Variants in SPTB observed in about 807,000 individuals in gnomAD.
SPTB encodes spectrin beta, erythrocytic, also known as spectrin beta chain, erythrocytic.
SPTB carries 45 observed loss-of-function variants against 256.2 expected under a neutral mutation model. The observed-to-expected ratio is 0.18, with a 90% CI of 0.14 to 0.23. The LOEUF is 0.23. SPTB is among the 10% of genes least tolerant of loss of function. The pLI is 1.00. For missense variants in SPTB, 2,715 were observed against 3,040.4 expected (o/e 0.89, Z 2.52); for synonymous variants, 1,231 against 1,243.1 (o/e 0.99, Z 0.21).
intron 1 of SPTB, among the ~76,000 whole-genome samples, chr14:64,834,640 G>A (rs2083494921): frequency 6.6e-6 from 1 of 151,908 alleles, no homozygotes; most frequent in African/African-American, 2.4e-5. Context: ...TGGCCAGGCT[G>A]GTCTGGAATT....
chr14:64,791,124 A>G (rs981388327), intron 15 of SPTB, among the ~76,000 whole-genome samples: 4 of 152,088 alleles, frequency 2.6e-5, no homozygotes, highest in Non-Finnish European at 5.9e-5. Flanking sequence ...TGTGCCCTCC[A>G]TCACACATAC....
In SPTB at chr14:64,796,553, T is replaced by C. The variant is rs753423785; in HGVS notation, c.1341+4A>G. The C allele has an allele frequency of 1.2e-6, 2 of 1,614,058 alleles. No individual in the cohort carries two copies. The highest frequency in any genetic ancestry group is 1.7e-6 in the Non-Finnish European group (2 of 1,180,020). ...CCTGTCACCCAAAGCATGTCCCTCA[T>C]TACCTGGGCCACGAGGCGCTGGTTT... On this transcript the variant is annotated splice_donor_region_variant and intron_variant, in intron 11 of 35. Transcript: ENST00000644917. This position sits in a 1 kb window ranked among gnomAD's most constrained non-coding sequence, Gnocchi z 4.1.
At chr14:64,874,515 G>A (rs540915877) in intron 1 of SPTB, among the ~76,000 whole-genome samples, 5 of 152,174 alleles carry the variant, frequency 3.3e-5, no homozygotes, top group African/African-American at 9.6e-5. Flanking sequence ...CTTATGACTC[G>A]AAGTCAGTAT....
At position 64,801,390 on chromosome 14, in the gene SPTB, T is replaced by C; in HGVS notation, c.658A>G (p.Ile220Val). Residue 220 changes from isoleucine to valine, a missense_variant, in exon 7 of 36, where the codon ATC becomes GTC. Physicochemically the swap from Ile to Val is conservative, Grantham distance 29 (BLOSUM62 3). This residue lies in a region of SPTB where 416 missense variants were observed against 571.1 expected (regional missense o/e 0.73). Transcript: ENST00000644917. ...ALIHKHRPDLIDFDKLKDSNA... is the reference protein window; with the variant it reads ...ALIHKHRPDLVDFDKLKDSNA... ...GAGTCCTTCAGCTTATCAAAGTCGA[T>C]CAGGTCGGGCCTGGGGACAAAACTG... 6.2e-7 allele frequency: 1 copy of C among 1,614,012 alleles called. No homozygotes were observed. Among genetic ancestry groups the C allele is most frequent in the Non-Finnish European group, 8.5e-7 (1 of 1,179,922 alleles).
intron 1 of SPTB, among the ~76,000 whole-genome samples, chr14:64,851,429 A>G (rs1449054884): frequency 6.6e-6 from 1 of 152,170 alleles, no homozygotes; most frequent in African/African-American, 2.4e-5. Flanking sequence ...TAGCACCCAG[A>G]AAGAGTTAAT....
At chr14:64,854,274 C>CTTTTTTTT (rs1206368948) in intron 1 of SPTB, among the ~76,000 whole-genome samples, 3 of 73,284 alleles carry the variant, frequency 4.1e-5, no homozygotes, top group African/African-American at 5.4e-5. Context: ...TTTCCAAACT[C>CTTTTTTTT]TTTTTTTTTT....
At position 64,857,456 on chromosome 14, in the gene SPTB, T is replaced by G. The variant is rs544438475; in HGVS notation, c.-52+22336A>C. On this transcript the variant is annotated intron_variant, in intron 1 of 35. Transcript: ENST00000644917. ...AATTAGCCATGCATGGTGGTATGCA[T>G]GTATAGTCCCAGCTACTTGGCTGAA... 2.0e-5 allele frequency among the ~76,000 whole-genome samples: 3 copies of G among 151,714 alleles called. No homozygotes were observed. In the East Asian group the frequency reaches 5.8e-4, roughly 29 times the overall value.
At chr14:64,835,186 G>A (rs940152526) in intron 1 of SPTB, among the ~76,000 whole-genome samples, 2 of 152,174 alleles carry the variant, frequency 1.3e-5, no homozygotes, top group Admixed American at 6.5e-5. Context: ...ATTTGGGAAC[G>A]TGCCTGCAAG....
Position 64,806,485 on chromosome 14 carries a change from G to T in SPTB, c.149-1395C>A, listed in dbSNP as rs2082986837. 6.6e-6 allele frequency among the ~76,000 whole-genome samples: 1 copy of T among 152,224 alleles called. No homozygotes were observed. Among genetic ancestry groups the T allele is most frequent in the Non-Finnish European group, 1.5e-5 (1 of 68,042 alleles). ...GCTCGACTGAGCCTCAACCGTGAAA[G>T]GGCTGGCTTTTTAAATTATTAAATA... On this transcript the variant is annotated intron_variant, in intron 2 of 35. Transcript: ENST00000644917. This position sits in a 1 kb window ranked among gnomAD's most constrained non-coding sequence, Gnocchi z 4.1.
rs2082883369 is a variant in SPTB at position 64,801,408 on chromosome 14, CA to C, written c.648-9del. 1 of 1,606,200 alleles carries C rather than the reference CA, an allele frequency of 6.2e-7. No individual in the cohort carries two copies. Among genetic ancestry groups the C allele is most frequent in the Non-Finnish European group, 8.5e-7 (1 of 1,173,014 alleles). Reference sequence around the variant, plus strand: ...AAGTCGATCAGGTCGGGCCTGGGGACAAAACTGGACTGTGAAAAGGGAGTAG... The same window carrying C: ...AAGTCGATCAGGTCGGGCCTGGGGACAAACTGGACTGTGAAAAGGGAGTAG... On this transcript the variant is annotated splice_polypyrimidine_tract_variant and intron_variant, in intron 6 of 35. Transcript: ENST00000644917.
In SPTB at chr14:64,824,219, G is replaced by T. The variant is rs2139705803; in HGVS notation, c.-51-1074C>A. Among the ~76,000 whole-genome samples, 1 of 152,274 alleles carries T rather than the reference G, an allele frequency of 6.6e-6. No individual in the cohort carries two copies. The highest frequency in any genetic ancestry group is 1.9e-4 in the East Asian group (1 of 5,182). On this transcript the variant is annotated intron_variant, in intron 1 of 35. Transcript: ENST00000644917. This position sits in a 1 kb window ranked among gnomAD's most constrained non-coding sequence, Gnocchi z 5.7. ...CTCGGCGGGGACTGGTATCAGGGAG[G>T]GGAAGTTGAAGCTTATTCCTAAAGG...
rs544355056 is a variant in SPTB at position 64,774,330 on chromosome 14, C to T, written c.4973+67G>A. On this transcript the variant is annotated intron_variant, in intron 24 of 35. Coordinates refer to ENST00000644917, the MANE Select transcript of SPTB (RefSeq NM_001355436.2). ...CATTTTCCTTTTAAATCTGAAGGGA[C>T]GTTGGCTGGTGGGCCCCTGGCTCAA... The T allele has an allele frequency of 1.7e-4, 265 of 1,528,040 alleles. 1 individual carries two copies. In the African/African-American group the frequency reaches 2.0e-3, roughly 12 times the overall value. The allele number at this position is 1,528,040 out of a possible 1,614,324, so 94.7% of individuals were successfully genotyped here. A position where few individuals can be genotyped will look rare whatever the true frequency, so the allele number is the denominator to read the frequency against.
chr14:64,769,163 C>T lies in SPTB; in HGVS notation c.5938-45G>A, dbSNP rs907990168. On this transcript the variant is annotated intron_variant, in intron 28 of 35. Coordinates refer to ENST00000644917, the MANE Select transcript of SPTB (RefSeq NM_001355436.2). Reference sequence around the variant, plus strand: ...AAAAGCTCAGGCTTGGCTCACCCTTCACCATCTGAGGCAGTGCGCAGATGG... The same window carrying T: ...AAAAGCTCAGGCTTGGCTCACCCTTTACCATCTGAGGCAGTGCGCAGATGG... 3.8e-6 allele frequency: 6 copies of T among 1,576,218 alleles called. No individual in the cohort carries two copies. In the African/African-American group the frequency reaches 4.0e-5, roughly 11 times the overall value.
chr14:64,776,265 A>G (rs141517845), intron 22 of SPTB, among the ~76,000 whole-genome samples: 1 of 152,288 alleles, frequency 6.6e-6, no homozygotes, highest in East Asian at 1.9e-4. Flanking sequence ...AAATATGCAC[A>G]AAATAACCAC....
intron 32 of SPTB, 68 bp downstream of exon 32, chr14:64,766,658 T>C (rs2082188002): frequency 6.2e-7 from 1 of 1,612,808 alleles, no homozygotes; most frequent in Non-Finnish European, 8.5e-7. Flanking sequence ...GGGCTGAGCC[T>C]AGTAGGGGTG....
intron 9 of SPTB, among the ~76,000 whole-genome samples, chr14:64,798,714 G>C (rs2082822937): frequency 6.6e-6 from 1 of 152,210 alleles, no homozygotes; most frequent in African/African-American, 2.4e-5. Context: ...AACTGTATTG[G>C]ATTTAGGGCT....
intron 28 of SPTB, 79 bp downstream of exon 28, chr14:64,769,511 T>A: frequency 6.3e-7 from 1 of 1,578,768 alleles, no homozygotes; most frequent in South Asian, 1.1e-5. Flanking sequence ...AGCTCTCATC[T>A]CCCTCCCAGG....
At chr14:64,755,274 A>C (rs1288498802) in intron 32 of SPTB, 1 of 152,240 alleles carries the variant, frequency 6.6e-6, no homozygotes. Context: ...TGGACATCAG[A>C]TCGAAGCTTT....
chr14:64,835,162 T>C (rs1359027307), intron 1 of SPTB, among the ~76,000 whole-genome samples: 2 of 152,204 alleles, frequency 1.3e-5, no homozygotes, highest in African/African-American at 2.4e-5. Flanking sequence ...TCAGTGGGGC[T>C]GTCCTCTGGG....
Sources: allele counts gnomAD v4.1 joint callset (sites outside exome capture counted in the v4.1 genomes callset), GRCh38; gene constraint gnomAD v4.1.1; regional missense constraint gnomAD v4.1.1; non-coding constraint Gnocchi (gnomAD v3.1); transcripts MANE v1.5; gene names NCBI Gene and HGNC (gene_info 2026-07-23, HGNC 2026-07-21).